Variants in IL1RAPL1 observed in about 807,000 individuals in gnomAD.
The protein encoded by IL1RAPL1 is interleukin-1 receptor accessory protein-like 1.
Under a neutral mutation model 48.4 loss-of-function variants are expected in IL1RAPL1, and 3 were observed. The observed-to-expected ratio is 0.06, with a 90% CI of 0.03 to 0.16. The LOEUF (loss-of-function observed/expected upper bound fraction) is 0.16, where lower values mean the gene tolerates loss of function less well. Among genes scored for constraint, IL1RAPL1 ranks in the 10% least tolerant of loss-of-function variants. The probability of loss-of-function intolerance (pLI) is 1.00; values close to 1 mark genes in which losing one functional copy is unlikely to be tolerated. For missense variants in IL1RAPL1, 349 were observed against 530.6 expected (o/e 0.66, Z 3.36); for synonymous variants, 185 against 187.7 (o/e 0.99, Z 0.12).
rs763101213 is a variant in IL1RAPL1 at position 29,696,597 on chromosome X, C to T, written c.778+28093C>T. ...CAGGTTGCCTACCTAGCATGGAAGACATCCTGAACACAAGACTTCAGATGA... is the reference window on the plus strand; with the variant it reads ...CAGGTTGCCTACCTAGCATGGAAGATATCCTGAACACAAGACTTCAGATGA... On this transcript the variant is annotated intron_variant, in intron 6 of 10. Transcript: ENST00000378993. Among the ~76,000 whole-genome samples, 9 of 112,024 alleles carry T rather than the reference C, an allele frequency of 8.0e-5. No individual in the cohort carries two copies. The East Asian group carries it at 2.5e-3, about 31-fold the overall frequency.
intron 5 of IL1RAPL1, among the ~76,000 whole-genome samples, chrX:29,478,213 G>A (rs1336232526): frequency 8.9e-6 from 1 of 111,974 alleles, no homozygotes; most frequent in Admixed American, 9.5e-5. Context: ...CTTCACACCT[G>A]CTCCTTTTAC....
intron 2 of IL1RAPL1, among the ~76,000 whole-genome samples, chrX:29,026,852 C>A (rs1220074436): frequency 1.8e-5 from 2 of 111,076 alleles, no homozygotes; most frequent in East Asian, 2.8e-4. Flanking sequence ...ACAAGATTGG[C>A]CATAGTTTTA....
At chrX:29,868,816 T>A (rs1931748614) in intron 6 of IL1RAPL1, among the ~76,000 whole-genome samples, 1 of 112,339 alleles carries the variant, frequency 8.9e-6, no homozygotes, top group Non-Finnish European at 1.9e-5. Flanking sequence ...CTGGCAATTT[T>A]AGGTTCTCAC....
At chrX:29,100,305 A>G (rs899866496) in intron 2 of IL1RAPL1, among the ~76,000 whole-genome samples, 1 of 112,416 alleles carries the variant, frequency 8.9e-6, no homozygotes, top group African/African-American at 3.2e-5. Context: ...CTCAGAACCA[A>G]CAGAGGTTCA....
intron 2 of IL1RAPL1, among the ~76,000 whole-genome samples, chrX:29,102,383 C>G (rs983620654): frequency 1.8e-5 from 2 of 112,051 alleles, no homozygotes; most frequent in Non-Finnish European, 3.8e-5. Context: ...AGAAGTTAAA[C>G]TGGCCAGGCA....
At chrX:29,670,550 A>G (rs763296480) in intron 6 of IL1RAPL1, among the ~76,000 whole-genome samples, 3 of 111,869 alleles carry the variant, frequency 2.7e-5, no homozygotes, top group Admixed American at 9.5e-5. Context: ...TTTGTGAGCA[A>G]CAGTTGATTT....
chrX:28,716,369 T>C (rs1343998770), intron 1 of IL1RAPL1, among the ~76,000 whole-genome samples: 3 of 110,479 alleles, frequency 2.7e-5, no homozygotes, highest in Non-Finnish European at 5.7e-5. Context: ...AGTATTCAAA[T>C]AGGGAGAGAG....
At chrX:29,234,021 T>C (rs761481903) in intron 2 of IL1RAPL1, among the ~76,000 whole-genome samples, 1 of 111,247 alleles carries the variant, frequency 9.0e-6, no homozygotes, top group South Asian at 3.8e-4. Flanking sequence ...CACAAGGAAA[T>C]GAATGCTGCC....
At chrX:29,054,139 A>G (rs1927160301) in intron 2 of IL1RAPL1, among the ~76,000 whole-genome samples, 1 of 111,290 alleles carries the variant, frequency 9.0e-6, no homozygotes, top group South Asian at 3.8e-4. Flanking sequence ...TCTGTGTAAC[A>G]TATAGAAAGA....
intron 1 of IL1RAPL1, among the ~76,000 whole-genome samples, chrX:28,778,623 T>C (rs1009479082): frequency 9.8e-5 from 11 of 111,900 alleles, no homozygotes; most frequent in African/African-American, 3.6e-4. Flanking sequence ...ATGCTCTCTA[T>C]TCTTCAGCAC....
intron 6 of IL1RAPL1, among the ~76,000 whole-genome samples, chrX:29,786,007 T>A (rs1027066812): frequency 1.1e-5 from 1 of 88,582 alleles, no homozygotes; most frequent in Non-Finnish European, 2.2e-5. Flanking sequence ...CTTCAGAGAT[T>A]TTTTTTAAAA....
intron 1 of IL1RAPL1, among the ~76,000 whole-genome samples, chrX:28,619,003 A>T (rs1410144131): frequency 8.9e-6 from 1 of 112,139 alleles, no homozygotes; most frequent in African/African-American, 3.2e-5. Context: ...GAGAAGGGCC[A>T]GTGCCAGTGG....
At position 29,288,861 on chromosome X, in the gene IL1RAPL1, G is replaced by T. The variant is rs766126646; in HGVS notation, c.362+5644G>T. Among the ~76,000 whole-genome samples, 7 of 111,839 alleles carry T rather than the reference G, an allele frequency of 6.3e-5. No individual in the cohort carries two copies. The South Asian group carries it at 2.6e-3, about 41-fold the overall frequency. On this transcript the variant is annotated intron_variant, in intron 3 of 10. Transcript: ENST00000378993. The stretch of plus-strand genomic sequence containing the variant: ...TTTTTAATAATCGCCATTCTGACTG[G>T]CGTGAGATGGTACCTCATTGTGGTT...
intron 2 of IL1RAPL1, among the ~76,000 whole-genome samples, chrX:28,884,897 A>G (rs182589532): frequency 8.9e-6 from 1 of 111,936 alleles, no homozygotes; most frequent in Admixed American, 9.6e-5. Flanking sequence ...AATGTGATTT[A>G]TCTGTCAATT....
chrX:29,821,590 A>T (rs1403270583), intron 6 of IL1RAPL1, among the ~76,000 whole-genome samples: 2 of 112,712 alleles, frequency 1.8e-5, no homozygotes, highest in African/African-American at 6.4e-5. Context: ...AATGAATTTC[A>T]ATTATGGCAT....
At chrX:28,967,179 A>C (rs1299693556) in intron 2 of IL1RAPL1, among the ~76,000 whole-genome samples, 2 of 111,624 alleles carry the variant, frequency 1.8e-5, no homozygotes, top group African/African-American at 6.5e-5. Context: ...AAGCTTCTCT[A>C]CCAAAGACAA....
At chrX:29,396,841 A>T (rs1272654075) in intron 4 of IL1RAPL1, among the ~76,000 whole-genome samples, 1 of 112,012 alleles carries the variant, frequency 8.9e-6, no homozygotes, top group Non-Finnish European at 1.9e-5. Context: ...ATAAAATCGT[A>T]TACTAGTTTT....
intron 1 of IL1RAPL1, among the ~76,000 whole-genome samples, chrX:28,754,744 C>T (rs1047941284): frequency 8.9e-6 from 1 of 112,037 alleles, no homozygotes; most frequent in African/African-American, 3.2e-5. Context: ...CGGATAACTT[C>T]CAGTTACTTC....
intron 1 of IL1RAPL1, among the ~76,000 whole-genome samples, chrX:28,625,737 C>CGTGTGTGTGTGT (rs112613600): frequency 1.6e-3 from 160 of 99,304 alleles, no homozygotes; most frequent in African/African-American, 3.8e-3. Context: ...AATCAAAATG[C>CGTGTGTGTGTGT]GTGTGTGTGT....
Sources: gnomAD v4.1 joint callset for allele counts (sites outside exome capture counted in the v4.1 genomes callset) on GRCh38, gnomAD v4.1.1 for gene constraint, MANE v1.5 for transcripts, NCBI Gene and HGNC (gene_info 2026-07-23, HGNC 2026-07-21) for gene names.